EFR3A: variants seen among roughly 807,000 people sequenced by gnomAD.
EFR3A encodes EFR3 homolog A, also known as protein EFR3 homolog A.
In EFR3A, 76 loss-of-function variants were observed where a neutral mutation model predicts 104.4. The observed-to-expected ratio is 0.73, with a 90% CI of 0.60 to 0.88. The LOEUF is 0.88. EFR3A is among the 40% of genes least tolerant of loss of function. The pLI is 0.00. For missense variants in EFR3A, 985 were observed against 1,012.5 expected (o/e 0.97, Z 0.37); for synonymous variants, 330 against 330.0 (o/e 1.00, Z 0.00).
intron 14 of EFR3A, among the ~76,000 whole-genome samples, chr8:131,982,636 C>T (rs921223978): frequency 6.6e-6 from 1 of 151,958 alleles, no homozygotes; most frequent in African/African-American, 2.4e-5. Context: ...AATATGGTGA[C>T]TATGTAGTAG....
intron 1 of EFR3A, among the ~76,000 whole-genome samples, chr8:131,939,336 AC>A (rs772805364): frequency 3.3e-5 from 5 of 152,062 alleles, no homozygotes; most frequent in Non-Finnish European, 7.4e-5. Flanking sequence ...ATGTTCTTTA[AC>A]CCATGGCTGT....
rs184415452 is a variant in EFR3A, at chr8:131,962,716, G to A, written c.855+3053G>A. Among the ~76,000 whole-genome samples, 1,018 of 152,268 alleles carry A rather than the reference G, an allele frequency of 6.7e-3. 4 individuals are homozygous for A. Among genetic ancestry groups the A allele is most frequent in the Middle Eastern group, 0.017 (5 of 294 alleles). On this transcript the variant is annotated intron_variant, in intron 8 of 22. Coordinates refer to ENST00000254624, the MANE Select transcript of EFR3A (RefSeq NM_015137.6). ...ATTGAACTCAGCTCTGCACCAAGTG[G>A]ACCTAATAGACATCTACAAAACTCT...
chr8:131,945,783 G>A (rs888619359), intron 3 of EFR3A, among the ~76,000 whole-genome samples: 3 of 152,018 alleles, frequency 2.0e-5, no homozygotes, highest in African/African-American at 7.2e-5. Flanking sequence ...TGTGTGTTGG[G>A]AACATTTCAA....
chr8:132,004,018 C>A (rs1184343220), intron 22 of EFR3A, among the ~76,000 whole-genome samples: 1 of 152,126 alleles, frequency 6.6e-6, no homozygotes, highest in Non-Finnish European at 1.5e-5. Flanking sequence ...TGTTTTTCTT[C>A]AACCCTGTAT....
intron 22 of EFR3A, among the ~76,000 whole-genome samples, chr8:132,006,435 T>C (rs1267565468): frequency 6.6e-6 from 1 of 151,892 alleles, no homozygotes; most frequent in Non-Finnish European, 1.5e-5. Flanking sequence ...TTCAACACTT[T>C]AGATGAAATG....
chr8:132,010,640 C>T, intron 22 of EFR3A, 150 bp from the exon 23 acceptor site: 1 of 871,536 alleles, frequency 1.1e-6, no homozygotes, highest in Non-Finnish European at 1.7e-6. Flanking sequence ...GTTTCCCATG[C>T]AGCCTTGTAG....
intron 4 of EFR3A, among the ~76,000 whole-genome samples, chr8:131,947,864 G>T (rs1818513774): frequency 6.6e-6 from 1 of 151,954 alleles, no homozygotes; most frequent in South Asian, 2.1e-4. Flanking sequence ...AAAGTTAAGG[G>T]TTTATATGTT....
intron 10 of EFR3A, among the ~76,000 whole-genome samples, chr8:131,974,745 T>C (rs748733518): frequency 3.3e-5 from 5 of 152,206 alleles, no homozygotes; most frequent in Non-Finnish European, 7.4e-5. Flanking sequence ...TGGAGTCATG[T>C]TAAGGTTATG....
chr8:131,938,170 G>A lies in EFR3A; in HGVS notation c.11-2329G>A, dbSNP rs1586568155. 21 of 396,536 alleles carry A rather than the reference G, an allele frequency of 5.3e-5. No individual in the cohort carries two copies. In the East Asian group the frequency reaches 7.5e-4, roughly 14 times the overall value. 24.6% of individuals were successfully genotyped at this position (396,536 alleles called of 1,614,324 possible). On this transcript the variant is annotated intron_variant, in intron 1 of 22. Coordinates refer to ENST00000254624, the MANE Select transcript of EFR3A (RefSeq NM_015137.6). Reference sequence around the variant, plus strand: ...AAGTGAACTAGGCACTTGCTGAACAGTAGGTAAAAGGATCTAGAGTCAGAA... The same window carrying A: ...AAGTGAACTAGGCACTTGCTGAACAATAGGTAAAAGGATCTAGAGTCAGAA...
At chr8:131,955,657 A>C in intron 6 of EFR3A, 111 bp from the exon 7 acceptor site, 1 of 1,101,034 alleles carries the variant, frequency 9.1e-7, no homozygotes, top group Non-Finnish European at 1.3e-6. Context: ...TATTTTCTGG[A>C]GTATAAAAAG....
chr8:131,909,579 T>C lies in EFR3A; in HGVS notation c.10+5257T>C, dbSNP rs529012533. Among the ~76,000 whole-genome samples the C allele has an allele frequency of 2.6e-5, 4 of 152,138 alleles. No homozygotes were observed. In the East Asian group the frequency reaches 5.8e-4, roughly 22 times the overall value. On this transcript the variant is annotated intron_variant, in intron 1 of 22. Transcript: ENST00000254624. The stretch of plus-strand genomic sequence containing the variant: ...AAATATATATATATTTAGTTTATGA[T>C]TGTGTTCTTTGCAGGCCTGTCTGTA...
intron 10 of EFR3A, among the ~76,000 whole-genome samples, chr8:131,971,592 G>A (rs551444535): frequency 1.3e-5 from 2 of 152,034 alleles, no homozygotes; most frequent in East Asian, 3.9e-4. Context: ...GGAGGCTGAG[G>A]CAGGAGCATG....
At chr8:131,992,456 T>TA (rs948543563) in intron 18 of EFR3A, among the ~76,000 whole-genome samples, 23 of 152,128 alleles carry the variant, frequency 1.5e-4, no homozygotes, top group African/African-American at 5.6e-4. Flanking sequence ...GTATGGGAGA[T>TA]ACAAAACCCA....
chr8:131,910,580 G>A (rs778716812), intron 1 of EFR3A, among the ~76,000 whole-genome samples: 17 of 152,152 alleles, frequency 1.1e-4, no homozygotes, highest in Non-Finnish European at 2.2e-4. Flanking sequence ...GTCTTTCTCT[G>A]GTTTTCTAGG....
chr8:131,910,935 A>G (rs765533694), intron 1 of EFR3A, among the ~76,000 whole-genome samples: 1 of 152,170 alleles, frequency 6.6e-6, no homozygotes, highest in African/African-American at 2.4e-5. Context: ...AAATCCCAAT[A>G]TGGCCCGCAA....
At chr8:131,995,866 A>G (rs1821453370) in intron 18 of EFR3A, among the ~76,000 whole-genome samples, 1 of 152,156 alleles carries the variant, frequency 6.6e-6, no homozygotes, top group South Asian at 2.1e-4. Flanking sequence ...GACTGAATGG[A>G]CAATGCTGGA....
chr8:131,918,763 T>C (rs1816859620), intron 1 of EFR3A, among the ~76,000 whole-genome samples: 1 of 152,214 alleles, frequency 6.6e-6, no homozygotes, highest in Non-Finnish European at 1.5e-5. Flanking sequence ...TTTTGGAAGT[T>C]ACAAACACTC....
intron 22 of EFR3A, among the ~76,000 whole-genome samples, chr8:132,003,767 T>G (rs1222994733): frequency 6.6e-6 from 1 of 152,178 alleles, no homozygotes; most frequent in Admixed American, 6.5e-5. Flanking sequence ...TTGAGTTCTG[T>G]TGTGAATTAT....
At chr8:131,989,872 C>G (rs974698872) in intron 18 of EFR3A, among the ~76,000 whole-genome samples, 4 of 152,152 alleles carry the variant, frequency 2.6e-5, no homozygotes, top group African/African-American at 7.2e-5. Context: ...CTGGCATCAT[C>G]ATAATGTGGT....
Sources: allele counts gnomAD v4.1 joint callset (sites outside exome capture counted in the v4.1 genomes callset), GRCh38; gene constraint gnomAD v4.1.1; transcripts MANE v1.5; gene names NCBI Gene and HGNC (gene_info 2026-07-23, HGNC 2026-07-21).